Variants in ZNF708 observed in about 807,000 individuals in gnomAD.
ZNF708 encodes the protein ZNF15, ZNF15L1.
ZNF708 carries 44 observed loss-of-function variants against 47.0 expected under a neutral mutation model. That is an observed-to-expected ratio of 0.94 (90% CI 0.74 to 1.20). The LOEUF is 1.20. ZNF708 is among the 50% of genes most tolerant of loss of function. The probability of loss-of-function intolerance (pLI) is 0.00; values close to 1 mark genes in which losing one functional copy is unlikely to be tolerated. For missense variants in ZNF708, 557 were observed against 656.0 expected (o/e 0.85, Z 1.65); for synonymous variants, 184 against 218.5 (o/e 0.84, Z 1.39).
chr19:21,309,348 T>C lies in ZNF708; in HGVS notation c.131-7A>G, dbSNP rs1237881693. ...AAATTAGACACAGCAATACCTGTTT[T>C]ATTAAAAATAAATAACGTGAATCTT... is the stretch of plus-strand genomic sequence containing the variant. On this transcript the variant is annotated splice_region_variant and splice_polypyrimidine_tract_variant and intron_variant, in intron 2 of 3. Coordinates refer to ENST00000356929, the MANE Select transcript of ZNF708 (RefSeq NM_021269.3). 2 of 1,568,604 alleles carry C rather than the reference T, an allele frequency of 1.3e-6. No individual in the cohort carries two copies. The highest frequency in any genetic ancestry group is 8.6e-7 in the Non-Finnish European group (1 of 1,159,392).
At chr19:21,294,824 C>T in intron 3 of ZNF708, 85 bp from the exon 4 acceptor site, 1 of 1,303,772 alleles carries the variant, frequency 7.7e-7, no homozygotes, top group Non-Finnish European at 1.0e-6. Context: ...ACTATATAAA[C>T]AAGATGACAT....
rs1360137836 is a variant in ZNF708, at chr19:21,306,954, ATAACATAAC to A, written c.226+2283_226+2291del. Reference sequence around the variant, plus strand: ...AGCAAAACTCCATCTCAAAAGAAAAATAACATAACATAACATAACATAACATAACATAAC... The same window carrying A: ...AGCAAAACTCCATCTCAAAAGAAAAAATAACATAACATAACATAACATAAC... On this transcript the variant is annotated intron_variant, in intron 3 of 3. Transcript: ENST00000356929. 9.3e-4 allele frequency: 13 copies of A among 14,002 alleles called. No homozygotes were observed. In the South Asian group the frequency reaches 0.016, roughly 17 times the overall value. The allele number at this position is 14,002 out of a possible 1,614,324, so 0.9% of individuals were successfully genotyped here.
intron 3 of ZNF708, among the ~76,000 whole-genome samples, chr19:21,300,729 C>T (rs1204354545): frequency 6.6e-6 from 1 of 151,894 alleles, no homozygotes; most frequent in Non-Finnish European, 1.5e-5. Flanking sequence ...GGCACCATCT[C>T]GGCTCACTGC....
intron 1 of ZNF708, among the ~76,000 whole-genome samples, 163 bp downstream of exon 1, chr19:21,329,047 C>A (rs1012065482): frequency 2.0e-5 from 3 of 152,182 alleles, no homozygotes; most frequent in Non-Finnish European, 4.4e-5. Flanking sequence ...TCGGCGCAGC[C>A]GCCATCTTAT....
intron 1 of ZNF708, among the ~76,000 whole-genome samples, chr19:21,316,035 C>T (rs1371948335): frequency 6.9e-6 from 1 of 145,858 alleles, no homozygotes; most frequent in Non-Finnish European, 1.5e-5. Context: ...TGCCATTGCA[C>T]TCCAGCCTGG....
chr19:21,304,406 G>A (rs1251470644), intron 3 of ZNF708, among the ~76,000 whole-genome samples: 1 of 152,040 alleles, frequency 6.6e-6, no homozygotes, highest in Non-Finnish European at 1.5e-5. Flanking sequence ...CATCAAACAG[G>A]AGGATTATAT....
At position 21,293,423 on chromosome 19, in the gene ZNF708, G is replaced by T. The variant is rs564329786; in HGVS notation, c.1543C>A (p.Gln515Lys). The T allele has an allele frequency of 5.0e-6, 8 of 1,608,212 alleles. No homozygotes were observed. Among genetic ancestry groups the T allele is most frequent in the Non-Finnish European group, 5.9e-6 (7 of 1,177,900 alleles). Residue 515 changes from glutamine (Q) to lysine (K), a missense_variant, in exon 4 of 4, where the codon CAG (glutamine) becomes AAG (lysine). Gln to Lys is a moderately conservative substitution (Grantham distance 53). Transcript: ENST00000356929. ...KCKECGKAFN[Q>K]SSTLMKHKII... ...TTATGTTTCATAAGGGTTGAGGACT[G>T]GTTAAAAGCTTTGCCACATTCTTTA...
chr19:21,301,037 T>A (rs1972649928), intron 3 of ZNF708, among the ~76,000 whole-genome samples: 1 of 151,948 alleles, frequency 6.6e-6, no homozygotes, highest in Non-Finnish European at 1.5e-5. Flanking sequence ...CTAAAAAATA[T>A]AACTCAAAAA....
chr19:21,316,126 CTTTTTTCTTT>C (rs1285699642), intron 1 of ZNF708, among the ~76,000 whole-genome samples: 2 of 70,024 alleles, frequency 2.9e-5, no homozygotes, highest in Non-Finnish European at 5.4e-5. Context: ...CTTTTCTTTT[CTTTTTTCTTT>C]TTTTTTTTTT....
At chr19:21,309,421 A>C (rs1972852564) in intron 2 of ZNF708, 80 bp from the exon 3 acceptor site, 1 of 1,342,438 alleles carries the variant, frequency 7.4e-7, no homozygotes, top group Admixed American at 2.2e-5. Context: ...AGTAAAGAGA[A>C]TGTAGGCCAG....
intron 3 of ZNF708, among the ~76,000 whole-genome samples, chr19:21,295,924 C>T (rs1341861972): frequency 6.6e-6 from 1 of 151,882 alleles, no homozygotes; most frequent in East Asian, 1.9e-4. Flanking sequence ...TTAAATACTA[C>T]ACAGTGAATG....
chr19:21,308,914 T>C (rs927566456), intron 3 of ZNF708, among the ~76,000 whole-genome samples: 1 of 151,976 alleles, frequency 6.6e-6, no homozygotes, highest in Non-Finnish European at 1.5e-5. Context: ...ACTTACAAAA[T>C]AGTTTAACAC....
At chr19:21,311,538 C>G (rs1056564268) in intron 1 of ZNF708, among the ~76,000 whole-genome samples, 1 of 152,070 alleles carries the variant, frequency 6.6e-6, no homozygotes, top group Admixed American at 6.5e-5. Context: ...AAGAAAACAT[C>G]AGTTCTGTGC....
At chr19:21,323,621 C>A (rs180983228) in intron 1 of ZNF708, among the ~76,000 whole-genome samples, 1 of 152,288 alleles carries the variant, frequency 6.6e-6, no homozygotes, top group East Asian at 1.9e-4. Flanking sequence ...GTAAATTCAA[C>A]CTTGTTTTAT....
chr19:21,310,154 T>C (rs897503013), intron 2 of ZNF708, among the ~76,000 whole-genome samples: 9 of 152,114 alleles, frequency 5.9e-5, no homozygotes, highest in Non-Finnish European at 1.2e-4. Context: ...ATATTAAAGT[T>C]ATCCTCACCT....
chr19:21,297,446 C>T (rs1035254561), intron 3 of ZNF708, among the ~76,000 whole-genome samples: 10 of 136,732 alleles, frequency 7.3e-5, no homozygotes, highest in African/African-American at 2.7e-4. Context: ...TTATGTAATT[C>T]CCAAGGTACC....
Position 21,323,803 on chromosome 19 carries a change from G to C in ZNF708, c.3+5407C>G, listed in dbSNP as rs539867686. Among the ~76,000 whole-genome samples, 3 of 152,180 alleles carry C rather than the reference G, an allele frequency of 2.0e-5. No individual in the cohort carries two copies. The South Asian group carries it at 6.2e-4, about 32-fold the overall frequency. On this transcript the variant is annotated intron_variant, in intron 1 of 3. Coordinates refer to ENST00000356929, the MANE Select transcript of ZNF708 (RefSeq NM_021269.3). ...TCTATGGCTGGGGTGAGCAGGCTGG[G>C]ATATCTACAGAGGAGACTCCCCAGA...
Position 21,292,935 on chromosome 19 carries a change from C to G in ZNF708, c.*339G>C, listed in dbSNP as rs1014336171. The G allele has an allele frequency of 4.9e-6, 1 of 202,058 alleles. No homozygotes were observed. The highest frequency in any genetic ancestry group is 2.4e-5 in the African/African-American group (1 of 42,526). 12.5% of individuals were successfully genotyped at this position (202,058 alleles called of 1,614,324 possible). A position where few individuals can be genotyped will look rare whatever the true frequency, so the allele number is the denominator to read the frequency against. On this transcript the variant is annotated 3_prime_UTR_variant, in exon 4 of 4. Transcript: ENST00000356929. ...TGTGACAATCATTTAAAGATTTTGT[C>G]ACATTTTTCGCATTTTTAAAGTTCC...
chr19:21,327,952 C>A (rs1466476565), intron 1 of ZNF708: 3 of 1,028,880 alleles, frequency 2.9e-6, no homozygotes, highest in Admixed American at 9.1e-5. Flanking sequence ...AGAAGCTACA[C>A]TCCATACCTC....
Sources: allele counts gnomAD v4.1 joint callset (sites outside exome capture counted in the v4.1 genomes callset), GRCh38; gene constraint gnomAD v4.1.1; transcripts MANE v1.5; gene names NCBI Gene and HGNC (gene_info 2026-07-23, HGNC 2026-07-21).